The following FHIT variants were observed in gnomAD, a reference collection of about 807,000 sequenced individuals.
The protein encoded by FHIT is fragile histidine triad diadenosine triphosphatase.
A neutral mutation model predicts 17.9 loss-of-function variants in FHIT; 19 were observed. The ratio of observed to expected loss-of-function variants is 1.06; its 90% CI spans 0.74 to 1.56. FHIT has a LOEUF of 1.56. Among genes scored for constraint, FHIT ranks in the 40% most tolerant of loss-of-function variants. The pLI, the probability that FHIT is intolerant of heterozygous loss-of-function variation, is 0.00. For synonymous variants in FHIT, 81 were observed against 69.7 expected (o/e 1.16, Z -0.81); for missense variants, 248 against 189.2 (o/e 1.31, Z -1.82).
chr3:60,116,308 T>C (rs7648572), intron 5 of FHIT, among the ~76,000 whole-genome samples: 45,987 of 151,980 alleles, frequency 0.3, 7,309 homozygotes, highest in Non-Finnish European at 0.35. Context: ...CTGGAAAAGG[T>C]GGTGTGTAAC....
chr3:60,982,853 CTATT>C (rs2107559351), intron 3 of FHIT, among the ~76,000 whole-genome samples: 1 of 152,292 alleles, frequency 6.6e-6, no homozygotes, highest in Non-Finnish European at 1.5e-5. Context: ...GCTTCCATCA[CTATT>C]TAAATTTTTA....
intron 5 of FHIT, among the ~76,000 whole-genome samples, chr3:60,272,362 G>C (rs944915905): frequency 8.5e-5 from 13 of 152,104 alleles, no homozygotes; most frequent in South Asian, 4.1e-4. Flanking sequence ...ACATAGGCTG[G>C]GCCTTAAATT....
At chr3:60,860,170 G>GATA (rs1703598027) in intron 3 of FHIT, among the ~76,000 whole-genome samples, 2 of 81,366 alleles carry the variant, frequency 2.5e-5, no homozygotes, top group African/African-American at 6.4e-5. Context: ...TACATCATAT[G>GATA]TATATATGGT....
At chr3:60,468,362 C>G (rs1655112765) in intron 5 of FHIT, among the ~76,000 whole-genome samples, 1 of 151,984 alleles carries the variant, frequency 6.6e-6, no homozygotes, top group Admixed American at 6.6e-5. Context: ...GTTTTGTAGT[C>G]TTCTCTTTCT....
At chr3:61,099,422 C>T (rs887778564) in intron 2 of FHIT, among the ~76,000 whole-genome samples, 10 of 152,086 alleles carry the variant, frequency 6.6e-5, no homozygotes. Context: ...CAGGATGCTG[C>T]TGGCCTCATA....
intron 5 of FHIT, among the ~76,000 whole-genome samples, chr3:60,359,654 T>C (rs941610383): frequency 3.3e-5 from 5 of 152,170 alleles, no homozygotes; most frequent in Non-Finnish European, 5.9e-5. Flanking sequence ...ACACCACTTG[T>C]TTTCGCCAAA....
At chr3:61,134,337 T>TA (rs772919852) in intron 2 of FHIT, among the ~76,000 whole-genome samples, 7 of 152,018 alleles carry the variant, frequency 4.6e-5, no homozygotes, top group Non-Finnish European at 1.0e-4. Context: ...AGAAGGAAAC[T>TA]AAAAAACATG....
At chr3:60,170,235 G>A (rs916402907) in intron 5 of FHIT, among the ~76,000 whole-genome samples, 1 of 152,062 alleles carries the variant, frequency 6.6e-6, no homozygotes, top group African/African-American at 2.4e-5. Flanking sequence ...CAAGTGGCTG[G>A]GCAACTGTCC....
At chr3:59,756,020 G>C (rs1027885392) in intron 8 of FHIT, among the ~76,000 whole-genome samples, 2 of 152,096 alleles carry the variant, frequency 1.3e-5, no homozygotes, top group African/African-American at 4.8e-5. Flanking sequence ...GAGCAGTGCC[G>C]TGCCTGACAC....
At chr3:60,199,365 G>C (rs1702794025) in intron 5 of FHIT, among the ~76,000 whole-genome samples, 1 of 152,086 alleles carries the variant, frequency 6.6e-6, no homozygotes, top group South Asian at 2.1e-4. Context: ...GGTGAGACAG[G>C]CTAAATTGAA....
intron 1 of FHIT, among the ~76,000 whole-genome samples, chr3:61,233,784 C>T (rs779019089): frequency 2.0e-5 from 3 of 152,178 alleles, no homozygotes; most frequent in Admixed American, 6.5e-5. Flanking sequence ...CCTCTCACCC[C>T]CTCCTGACTC....
chr3:59,928,096 C>G (rs1214573675), intron 7 of FHIT, among the ~76,000 whole-genome samples: 1 of 152,194 alleles, frequency 6.6e-6, no homozygotes, highest in East Asian at 1.9e-4. Context: ...TGTCCTGCAA[C>G]CTCCACCAGT....
rs142757241 is a variant in FHIT, at chr3:59,958,639, C to T, written c.280-36225G>A. ...AGGGTTGTATTAAGAAGCCCAAGGTCGACAGTAAACAATGCCTTGGTGAAA... is the reference window on the plus strand; with the variant it reads ...AGGGTTGTATTAAGAAGCCCAAGGTTGACAGTAAACAATGCCTTGGTGAAA... On this transcript the variant is annotated intron_variant, in intron 7 of 9. Coordinates refer to ENST00000492590, the MANE Select transcript of FHIT (RefSeq NM_002012.4). 2.4e-3 allele frequency among the ~76,000 whole-genome samples: 362 copies of T among 152,218 alleles called. 2 individuals carry two copies. The highest frequency in any genetic ancestry group is 0.01 in the Middle Eastern group (3 of 294).
chr3:61,117,840 A>G (rs1469602202), intron 2 of FHIT, among the ~76,000 whole-genome samples: 1 of 152,208 alleles, frequency 6.6e-6, no homozygotes, highest in African/African-American at 2.4e-5. Context: ...TGTCATTACC[A>G]GTGCCTAGCT....
chr3:59,882,660 G>T (rs74711026), intron 8 of FHIT, among the ~76,000 whole-genome samples: 2,276 of 152,282 alleles, frequency 0.015, 63 homozygotes, highest in African/African-American at 0.051. Flanking sequence ...ACTTCATATT[G>T]GTAGGAGGAA....
intron 5 of FHIT, among the ~76,000 whole-genome samples, chr3:60,018,216 A>G (rs1700419161): frequency 6.6e-6 from 1 of 152,184 alleles, no homozygotes; most frequent in South Asian, 2.1e-4. Context: ...GGGAGGTGCC[A>G]GACCCTTTTC....
At chr3:60,613,100 C>A (rs1647689900) in intron 4 of FHIT, among the ~76,000 whole-genome samples, 1 of 152,192 alleles carries the variant, frequency 6.6e-6, no homozygotes, top group Non-Finnish European at 1.5e-5. Context: ...AAGCTTGAAA[C>A]TCTCCAGAAG....
chr3:59,813,766 AT>A (rs2107058445), intron 8 of FHIT, among the ~76,000 whole-genome samples: 2 of 152,300 alleles, frequency 1.3e-5, no homozygotes, highest in South Asian at 4.2e-4. Context: ...ACACAGTTGT[AT>A]TCCTAGCTCC....
At chr3:61,218,744 C>T (rs771058204) in intron 1 of FHIT, among the ~76,000 whole-genome samples, 1 of 152,080 alleles carries the variant, frequency 6.6e-6, no homozygotes, top group Non-Finnish European at 1.5e-5. Context: ...TGATAGGAAC[C>T]CATGCTATTG....
Sources: gnomAD v4.1 joint callset for allele counts (sites outside exome capture counted in the v4.1 genomes callset) on GRCh38, gnomAD v4.1.1 for gene constraint, MANE v1.5 for transcripts, NCBI Gene and HGNC (gene_info 2026-07-23, HGNC 2026-07-21) for gene names.